PLCL1: variants seen among roughly 807,000 people sequenced by gnomAD.
The protein encoded by PLCL1 is phospholipase C like 1 (inactive).
In PLCL1, 41 loss-of-function variants were observed where a neutral mutation model predicts 84.4. That is an observed-to-expected ratio of 0.49 (90% CI 0.38 to 0.63). PLCL1 has a LOEUF of 0.63. Ranked by LOEUF, PLCL1 falls within the 30% of genes least tolerant of loss-of-function variation. PLCL1 has a pLI of 0.00. For synonymous variants in PLCL1, 490 were observed against 488.3 expected, an observed-to-expected ratio of 1.00 and a Z score of -0.05; for missense variants, 1,206 against 1,367.8, an observed-to-expected ratio of 0.88 and a Z score of 1.87.
chr2:198,081,879 A>C (rs1465170744), intron 1 of PLCL1, among the ~76,000 whole-genome samples: 1 of 152,202 alleles, frequency 6.6e-6, no homozygotes, highest in Non-Finnish European at 1.5e-5. Context: ...ACCCTGTTTT[A>C]AAATATTTCC....
intron 1 of PLCL1, among the ~76,000 whole-genome samples, chr2:197,924,558 G>C (rs1688796736): frequency 6.6e-6 from 1 of 151,880 alleles, no homozygotes; most frequent in African/African-American, 2.4e-5. Flanking sequence ...CAACCCATGA[G>C]CAATACTATT....
intron 1 of PLCL1, among the ~76,000 whole-genome samples, chr2:197,958,876 G>C (rs1689546748): frequency 1.3e-5 from 2 of 150,412 alleles, no homozygotes. Context: ...TTAAATTCAG[G>C]CATTTTGGTT....
chr2:198,018,717 G>T (rs1691059318), intron 1 of PLCL1, among the ~76,000 whole-genome samples: 1 of 152,208 alleles, frequency 6.6e-6, no homozygotes, highest in Non-Finnish European at 1.5e-5. Flanking sequence ...CTGAAAGAAA[G>T]GCAGCAGCCC....
intron 1 of PLCL1, among the ~76,000 whole-genome samples, chr2:197,875,332 A>G (rs1356222821): frequency 6.6e-6 from 1 of 152,172 alleles, no homozygotes; most frequent in Non-Finnish European, 1.5e-5. Context: ...TCAAAAATAG[A>G]TATAACTAAA....
At chr2:197,939,809 C>G (rs1689122894) in intron 1 of PLCL1, among the ~76,000 whole-genome samples, 1 of 146,948 alleles carries the variant, frequency 6.8e-6, no homozygotes. Flanking sequence ...CGGCCACTGT[C>G]TTCCCCCAAG....
At chr2:198,131,855 C>T (rs983333160) in intron 5 of PLCL1, among the ~76,000 whole-genome samples, 10 of 152,156 alleles carry the variant, frequency 6.6e-5, no homozygotes, top group African/African-American at 1.9e-4. Context: ...CTGCATGTGA[C>T]GATGCAGGGA....
At chr2:198,023,130 C>G (rs932622282) in intron 1 of PLCL1, among the ~76,000 whole-genome samples, 3 of 152,098 alleles carry the variant, frequency 2.0e-5, no homozygotes. Context: ...ACAAACCTGA[C>G]AAAAACAAGC....
chr2:198,112,498 C>T (rs1017517300), intron 5 of PLCL1, among the ~76,000 whole-genome samples: 13 of 151,816 alleles, frequency 8.6e-5, no homozygotes, highest in Admixed American at 2.0e-4. Flanking sequence ...TTTACAAAGG[C>T]TATACTCCTT....
intron 1 of PLCL1, among the ~76,000 whole-genome samples, chr2:198,060,373 C>T (rs1692163788): frequency 6.6e-6 from 1 of 152,142 alleles, no homozygotes; most frequent in Non-Finnish European, 1.5e-5. Flanking sequence ...TGTGTTAAGT[C>T]ATTACAGATG....
In PLCL1 at chr2:198,149,570, A is replaced by G. The variant is rs1006462768; in HGVS notation, c.*2608A>G. On this transcript the variant is annotated 3_prime_UTR_variant, in exon 6 of 6. Coordinates refer to ENST00000428675, the MANE Select transcript of PLCL1 (RefSeq NM_006226.4). ...AACCAGACTATTAACTCTTACCTTT[A>G]TAACCACAGATACAAAGAACTGTAT... is the stretch of plus-strand genomic sequence containing the variant. 2 of 152,274 alleles carry G rather than the reference A, an allele frequency of 1.3e-5. No homozygotes were observed. The highest frequency in any genetic ancestry group is 2.9e-5 in the Non-Finnish European group (2 of 68,030). 9.4% of individuals were successfully genotyped at this position (152,274 alleles called of 1,614,324 possible). A position where few individuals can be genotyped will look rare whatever the true frequency, so the allele number is the denominator to read the frequency against.
chr2:198,040,406 G>GA (rs1691630927), intron 1 of PLCL1, among the ~76,000 whole-genome samples: 1 of 152,122 alleles, frequency 6.6e-6, no homozygotes. Flanking sequence ...AAGGAAGATA[G>GA]AAAAAAGATG....
chr2:197,923,930 C>A (rs1168429372), intron 1 of PLCL1, among the ~76,000 whole-genome samples: 2 of 151,590 alleles, frequency 1.3e-5, no homozygotes, highest in East Asian at 2.0e-4. Flanking sequence ...CCAAGGCTGG[C>A]GGATCACTCG....
chr2:197,831,451 A>G (rs369095968), intron 1 of PLCL1, among the ~76,000 whole-genome samples: 1 of 152,338 alleles, frequency 6.6e-6, no homozygotes, highest in South Asian at 2.1e-4. Flanking sequence ...AAAGGGATCA[A>G]TGCAACAAGA....
intron 1 of PLCL1, among the ~76,000 whole-genome samples, chr2:198,079,636 C>T (rs1692660850): frequency 6.6e-6 from 1 of 152,044 alleles, no homozygotes; most frequent in South Asian, 2.1e-4. Context: ...ATGATTGAAT[C>T]CTTTATAAGA....
intron 1 of PLCL1, among the ~76,000 whole-genome samples, chr2:197,957,735 A>C (rs941415356): frequency 1.3e-5 from 2 of 152,008 alleles, no homozygotes; most frequent in South Asian, 2.1e-4. Context: ...TAAATGGAGG[A>C]ATGTTACTTT....
chr2:197,968,974 G>A (rs1689802910), intron 1 of PLCL1, among the ~76,000 whole-genome samples: 1 of 152,174 alleles, frequency 6.6e-6, no homozygotes, highest in African/African-American at 2.4e-5. Context: ...AGCAGGAGGT[G>A]AGCTACAGGT....
At chr2:197,938,359 G>T (rs1689089115) in intron 1 of PLCL1, among the ~76,000 whole-genome samples, 2 of 152,274 alleles carry the variant, frequency 1.3e-5, no homozygotes, top group South Asian at 4.1e-4. Context: ...TCTTCCATAA[G>T]AGTTTCTTCC....
chr2:198,013,844 A>G (rs985376833), intron 1 of PLCL1, among the ~76,000 whole-genome samples: 3 of 152,130 alleles, frequency 2.0e-5, no homozygotes, highest in African/African-American at 4.8e-5. Flanking sequence ...TTCCTTTGGT[A>G]TGAATACTCT....
At chr2:198,067,654 T>A (rs1229355172) in intron 1 of PLCL1, among the ~76,000 whole-genome samples, 1 of 152,054 alleles carries the variant, frequency 6.6e-6, no homozygotes, top group Admixed American at 6.5e-5. Flanking sequence ...AGGAAAAAAA[T>A]TTCACCAGGA....
Sources: allele counts gnomAD v4.1 joint callset (sites outside exome capture counted in the v4.1 genomes callset), GRCh38; gene constraint gnomAD v4.1.1; transcripts MANE v1.5; gene names NCBI Gene and HGNC (gene_info 2026-07-23, HGNC 2026-07-21).